PPP2R5C: variants seen among roughly 807,000 people sequenced by gnomAD.
The protein encoded by PPP2R5C is protein phosphatase 2 regulatory subunit B'gamma.
In PPP2R5C, 7 loss-of-function variants were observed where a neutral mutation model predicts 68.9. The ratio of observed to expected loss-of-function variants is 0.10; its 90% CI spans 0.06 to 0.19. PPP2R5C has a LOEUF of 0.19. PPP2R5C is among the 10% of genes least tolerant of loss of function. PPP2R5C has a pLI of 1.00. For synonymous variants in PPP2R5C, 210 were observed against 222.2 expected (o/e 0.95, Z 0.49); for missense variants, 348 against 641.3 (o/e 0.54, Z 4.94).
intron 2 of PPP2R5C, among the ~76,000 whole-genome samples, chr14:101,871,439 C>G (rs868330040): frequency 2.6e-5 from 4 of 152,032 alleles, no homozygotes; most frequent in Non-Finnish European, 2.9e-5. Context: ...GACGGGGTTT[C>G]TCACCATGTT....
chr14:101,763,096 T>G, intron 2 of PPP2R5C, 126 bp downstream of exon 2: 2 of 758,628 alleles, frequency 2.6e-6, no homozygotes, highest in Non-Finnish European at 4.2e-6. Context: ...TTTTTTGTGG[T>G]GTCTTTTATA....
chr14:101,889,627 G>A (rs2044731443), intron 5 of PPP2R5C, among the ~76,000 whole-genome samples: 1 of 152,212 alleles, frequency 6.6e-6, no homozygotes, highest in Non-Finnish European at 1.5e-5. Flanking sequence ...AGTGGACAGA[G>A]ATGTCTCAGA....
intron 1 of PPP2R5C, chr14:101,839,430 A>G (rs2140404967): frequency 6.6e-6 from 1 of 151,608 alleles, no homozygotes; most frequent in East Asian, 1.9e-4. Context: ...ACAGCCTGCG[A>G]CGACTTCCTG....
In PPP2R5C at chr14:101,925,082, T is replaced by A. The variant is rs186715247; in HGVS notation, c.1444-59T>A. On this transcript the variant is annotated intron_variant, in intron 13 of 13. Coordinates refer to ENST00000334743, the Ensembl canonical transcript of PPP2R5C. ...TATCCTTTGACTTCCACCTCAGAAGTAAGCTTGCTTTTCAGATAGCTTAGT... is the reference window on the plus strand; with the variant it reads ...TATCCTTTGACTTCCACCTCAGAAGAAAGCTTGCTTTTCAGATAGCTTAGT... The A allele has an allele frequency of 2.5e-6, 4 of 1,593,068 alleles. No individual in the cohort carries two copies. In the Admixed American group the frequency reaches 6.7e-5, roughly 27 times the overall value.
At chr14:101,864,067 G>C (rs529190215) in intron 2 of PPP2R5C, among the ~76,000 whole-genome samples, 2 of 152,098 alleles carry the variant, frequency 1.3e-5, no homozygotes, top group African/African-American at 4.8e-5. Flanking sequence ...TCTTTGGATC[G>C]TCAGTTCCCC....
chr14:101,842,775 C>G (rs1595350594), intron 1 of PPP2R5C, among the ~76,000 whole-genome samples: 1 of 114,704 alleles, frequency 8.7e-6, no homozygotes, highest in African/African-American at 3.3e-5. Flanking sequence ...TTTTTTTTTA[C>G]TTTATTAAAA....
chr14:101,793,132 C>G (rs1388359943), intron 3 of PPP2R5C, among the ~76,000 whole-genome samples: 5 of 152,114 alleles, frequency 3.3e-5, no homozygotes, highest in African/African-American at 1.2e-4. Flanking sequence ...CCCACCTCGG[C>G]CTCCCAAAGT....
chr14:101,864,070 A>C (rs542429549), intron 2 of PPP2R5C, among the ~76,000 whole-genome samples: 1 of 152,328 alleles, frequency 6.6e-6, no homozygotes, highest in South Asian at 2.1e-4. Flanking sequence ...TTGGATCGTC[A>C]GTTCCCCCAG....
intron 1 of PPP2R5C, among the ~76,000 whole-genome samples, chr14:101,847,314 G>A (rs1168441971): frequency 1.3e-5 from 2 of 152,174 alleles, no homozygotes; most frequent in East Asian, 3.9e-4. Context: ...GAGGAAAATT[G>A]ATTTTCCAGG....
chr14:101,908,561 A>C (rs2046195268), intron 10 of PPP2R5C, among the ~76,000 whole-genome samples: 1 of 151,974 alleles, frequency 6.6e-6, no homozygotes, highest in African/African-American at 2.4e-5. Flanking sequence ...TGTAGTAGAG[A>C]TGGGGTTTCA....
rs769880797 is a variant in PPP2R5C, at chr14:101,883,354, G to T, written c.498+5G>T. ...GATCAGAAGTTTGTATTGCAGGTAA[G>T]GTACAAATTAGCTGACACTCTGAAA... On this transcript the variant is annotated splice_donor_5th_base_variant and intron_variant, in intron 4 of 13. Coordinates refer to ENST00000334743, the Ensembl canonical transcript of PPP2R5C. 6.2e-7 allele frequency: 1 copy of T among 1,604,908 alleles called. No homozygotes were observed. Among genetic ancestry groups the T allele is most frequent in the Non-Finnish European group, 8.5e-7 (1 of 1,175,974 alleles).
At chr14:101,831,811 G>C (rs776158115) in intron 1 of PPP2R5C, 1 of 700,276 alleles carries the variant, frequency 1.4e-6, no homozygotes, top group Non-Finnish European at 2.6e-6. Context: ...TTGGGTAAGC[G>C]TGGTGGTCCT....
intron 2 of PPP2R5C, among the ~76,000 whole-genome samples, chr14:101,873,974 G>A (rs963350245): frequency 1.3e-5 from 2 of 152,198 alleles, no homozygotes; most frequent in Non-Finnish European, 2.9e-5. Flanking sequence ...TCAGGCAGTA[G>A]CATAAACCTC....
At chr14:101,856,943 C>A in intron 2 of PPP2R5C, 58 bp downstream of exon 4, 1 of 1,507,562 alleles carries the variant, frequency 6.6e-7, no homozygotes, top group Non-Finnish European at 9.2e-7. Context: ...CAGGACAGGC[C>A]AAGATCTCTG....
At chr14:101,836,253 A>C (rs958504798) in intron 1 of PPP2R5C, 5 of 702,756 alleles carry the variant, frequency 7.1e-6, no homozygotes, top group Non-Finnish European at 1.3e-5. Flanking sequence ...ACGGAGCAGC[A>C]GGGAGAGCAA....
chr14:101,816,461 A>C (rs2039674738), intron 1 of PPP2R5C, among the ~76,000 whole-genome samples: 1 of 152,212 alleles, frequency 6.6e-6, no homozygotes, highest in African/African-American at 2.4e-5. Flanking sequence ...AAAAAGACTA[A>C]AGAGATATAA....
At chr14:101,872,563 A>G (rs1219091148) in intron 2 of PPP2R5C, among the ~76,000 whole-genome samples, 2 of 152,140 alleles carry the variant, frequency 1.3e-5, no homozygotes, top group Non-Finnish European at 2.9e-5. Context: ...GCTTGCTGGT[A>G]TAGAATTCCG....
rs1369024702 is a variant in PPP2R5C, at chr14:101,913,397, A to T, written c.1326+924A>T. The stretch of plus-strand genomic sequence containing the variant: ...TATACATGAATATAAAGTTAAAAGT[A>T]TATCTTTACCTATATAACAACATAC... On this transcript the variant is annotated intron_variant, in intron 12 of 13. Coordinates refer to ENST00000334743, the Ensembl canonical transcript of PPP2R5C. This position sits in a 1 kb window ranked among gnomAD's most constrained non-coding sequence, Gnocchi z 4.1. Among the ~76,000 whole-genome samples the T allele has an allele frequency of 6.6e-6, 1 of 152,252 alleles. No individual in the cohort carries two copies. Among genetic ancestry groups the T allele is most frequent in the Non-Finnish European group, 1.5e-5 (1 of 68,050 alleles).
intron 1 of PPP2R5C, among the ~76,000 whole-genome samples, chr14:101,826,118 A>G (rs1041691435): frequency 2.6e-5 from 4 of 152,014 alleles, no homozygotes; most frequent in Non-Finnish European, 5.9e-5. Flanking sequence ...CACTGTCTTG[A>G]TGGTATCATT....
Sources: allele counts gnomAD v4.1 joint callset (sites outside exome capture counted in the v4.1 genomes callset), GRCh38; gene constraint gnomAD v4.1.1; non-coding constraint Gnocchi (gnomAD v3.1); transcripts MANE v1.5; gene names NCBI Gene and HGNC (gene_info 2026-07-23, HGNC 2026-07-21).